POSTN: variants seen among roughly 807,000 people sequenced by gnomAD.
POSTN encodes the protein osteoblast specific factor 2 (fasciclin I-like).
A neutral mutation model predicts 104.5 loss-of-function variants in POSTN; 71 were observed. That is an observed-to-expected ratio of 0.68 (90% CI 0.56 to 0.83). The LOEUF is 0.83. POSTN is among the 40% of genes least tolerant of loss of function. POSTN has a pLI of 0.00. For synonymous variants in POSTN, 355 were observed against 340.7 expected, an observed-to-expected ratio of 1.04 and a Z score of -0.46; for missense variants, 949 against 1,006.8, an observed-to-expected ratio of 0.94 and a Z score of 0.78.
At position 37,587,858 on chromosome 13, in the gene POSTN, G is replaced by A. The variant is rs2138338741; in HGVS notation, c.570C>T (p.Asn190=). 1.2e-6 allele frequency: 2 copies of A among 1,604,422 alleles called. No homozygotes were observed. Among genetic ancestry groups the A allele is most frequent in the South Asian group, 1.1e-5 (1 of 90,482 alleles). Residue 190 remains asparagine, a synonymous_variant, in exon 5 of 23, where the codon AAC becomes AAT. Transcript: ENST00000379747. The part of the protein sequence containing the change: ...KNGMIIPSMY[N]NLGLFINHYP... ...AATGGTTAATGAAAAGCCCCAAATTGTTATACATTGAAGGAATAATCATGC... is the reference window on the plus strand; with the variant it reads ...AATGGTTAATGAAAAGCCCCAAATTATTATACATTGAAGGAATAATCATGC...
intron 21 of POSTN, 153 bp from the exon 22 acceptor site, chr13:37,564,713 T>G: frequency 2.1e-6 from 1 of 465,636 alleles, no homozygotes; most frequent in Non-Finnish European, 3.8e-6. Context: ...ATCCTCAGAG[T>G]TTTACATTTT....
chr13:37,583,979 A>G lies in POSTN; in HGVS notation c.1233T>C (p.Asn411=), dbSNP rs1470109130. The G allele has an allele frequency of 1.5e-5, 24 of 1,613,590 alleles. No individual in the cohort carries two copies. Among genetic ancestry groups the G allele is most frequent in the South Asian group, 2.2e-5 (2 of 90,990 alleles). Residue 411 remains asparagine (N), a synonymous_variant, in exon 9 of 23, where the codon AAT becomes AAC. Transcript: ENST00000379747. The part of the protein sequence containing the change: ...GEYTLLAPVN[N]AFSDDTLSMD... ...GTGTCCAGCACATACCAGAAAATGC[A>G]TTATTCACAGGTGCCAGCAAAGTGT...
At position 37,580,714 on chromosome 13, in the gene POSTN, A is replaced by G; in HGVS notation, c.1393-17T>C. ...GCAGACAGCCTAGGAAAGGAAAGAA[A>G]GGTATGGGGTGTCATTTTCCTTGCT... On this transcript the variant is annotated splice_polypyrimidine_tract_variant and intron_variant, in intron 10 of 22. Transcript: ENST00000379747. The G allele has an allele frequency of 1.9e-6, 3 of 1,613,670 alleles. No homozygotes were observed. Among genetic ancestry groups the G allele is most frequent in the South Asian group, 1.1e-5 (1 of 91,042 alleles).
chr13:37,575,715 G>A (rs1950389201), intron 16 of POSTN, among the ~76,000 whole-genome samples: 1 of 152,118 alleles, frequency 6.6e-6, no homozygotes, highest in Non-Finnish European at 1.5e-5. Context: ...CTCACCTCAT[G>A]CTTGTAAGAT....
At chr13:37,587,030 AACATACAGGAAACT>A in intron 5 of POSTN, 102 bp from the exon 6 acceptor site, 1 of 959,538 alleles carries the variant, frequency 1.0e-6, no homozygotes, top group Non-Finnish European at 1.6e-6. Context: ...TAGTAAATGT[AACATACAGGAAACT>A]ACATTGTAAA....
At chr13:37,578,593 C>T (rs574296597) in intron 15 of POSTN, among the ~76,000 whole-genome samples, 1 of 151,700 alleles carries the variant, frequency 6.6e-6, no homozygotes, top group South Asian at 2.1e-4. Flanking sequence ...GTCAGGAGAT[C>T]GAGACCATCC....
chr13:37,567,192 C>T (rs1950133990), intron 21 of POSTN, among the ~76,000 whole-genome samples: 1 of 123,258 alleles, frequency 8.1e-6, no homozygotes. Context: ...GCCGAGATCC[C>T]GCCACTGCAC....
At chr13:37,590,608 G>A (rs1950902219) in intron 3 of POSTN, 79 bp from the exon 4 acceptor site, 6 of 1,217,646 alleles carry the variant, frequency 4.9e-6, no homozygotes, top group African/African-American at 1.5e-5. Context: ...ACTTTATGCT[G>A]TGTTTCCCAA....
intron 3 of POSTN, 33 bp from the exon 4 acceptor site, chr13:37,590,562 G>C: frequency 6.6e-7 from 1 of 1,525,440 alleles, no homozygotes; most frequent in Non-Finnish European, 8.9e-7. Flanking sequence ...CAGTACTGGG[G>C]ATAATATTCT....
intron 21 of POSTN, among the ~76,000 whole-genome samples, chr13:37,566,754 G>A (rs1489267541): frequency 1.3e-5 from 2 of 152,054 alleles, no homozygotes; most frequent in South Asian, 2.1e-4. Flanking sequence ...TGCTTGAGTC[G>A]TTTCAGAATG....
rs776927839 is a variant in POSTN, at chr13:37,579,281, C to A, written c.1739G>T (p.Gly580Val). 4 of 1,607,962 alleles carry A rather than the reference C, an allele frequency of 2.5e-6. No individual in the cohort carries two copies. The highest frequency in any genetic ancestry group is 2.6e-6 in the Non-Finnish European group (3 of 1,174,726). Residue 580 changes from glycine to valine, a missense_variant, in exon 13 of 23, where the codon GGT becomes GTT. Physicochemically the swap from Gly to Val is moderately radical, Grantham distance 109. Coordinates refer to ENST00000379747, the MANE Select transcript of POSTN (RefSeq NM_006475.3). ...GVFIGKGFEP[G>V]VTNILKTTQG... ...TGTGGTCTTTAAAATGTTAGTAACA[C>A]CAGGTTCAAATCCTTTTCCAATGAA... is the stretch of plus-strand genomic sequence containing the variant.
rs1950554341 is a variant in POSTN at position 37,580,616 on chromosome 13, TG to T, written c.1473del (p.Ile492SerfsTer12). 6.2e-7 allele frequency: 1 copy of T among 1,614,178 alleles called. No individual in the cohort carries two copies. The highest frequency in any genetic ancestry group is 8.5e-7 in the Non-Finnish European group (1 of 1,180,014). On this transcript the variant is annotated frameshift_variant, in exon 11 of 23. Coordinates refer to ENST00000379747, the MANE Select transcript of POSTN (RefSeq NM_006475.3). LOFTEE classifies it high-confidence loss of function. The stretch of plus-strand genomic sequence containing the variant: ...TGGAGGGATTTCTCTGCTGGCTTGA[TG>T]ATCTCGCGGAATATGTGAATCGCAC... ...RNGAIHIFREIIKPAEKSLHE... is the reference protein window; with the variant it reads ...RNGAIHIFREXIKPAEKSLHE...
chr13:37,577,972 A>G (rs541824968), intron 15 of POSTN, among the ~76,000 whole-genome samples, 174 bp from the exon 16 acceptor site: 1 of 151,432 alleles, frequency 6.6e-6, no homozygotes, highest in Non-Finnish European at 1.5e-5. Context: ...GTCAGAGGGC[A>G]TAAAAATCAT....
In POSTN at chr13:37,584,053, G is replaced by A; in HGVS notation, c.1159C>T (p.Leu387Phe). 6.2e-7 allele frequency: 1 copy of A among 1,613,934 alleles called. No individual in the cohort carries two copies. The highest frequency in any genetic ancestry group is 8.5e-7 in the Non-Finnish European group (1 of 1,179,938). Residue 387 changes from leucine to phenylalanine, a missense_variant, in exon 9 of 23, where the codon CTT becomes TTT. Transcript: ENST00000379747. ...AGKQQTTFTD[L>F]VAQLGLASAL... ...GATGCCAAGCCTAATTGGGCCACAA[G>A]ATCCGTGAAGGTGGTTTGCTGTTTT...
Position 37,577,818 on chromosome 13 carries a change from T to C in POSTN, c.1963-20A>G. On this transcript the variant is annotated intron_variant, in intron 15 of 22. Transcript: ENST00000379747. ...AACAAACTGAAAATAAATGTTTATA[T>C]TTAGTAACATGAAAGGTGATAGTTG... 6.2e-7 allele frequency: 1 copy of C among 1,613,250 alleles called. No individual in the cohort carries two copies. Among genetic ancestry groups the C allele is most frequent in the Non-Finnish European group, 8.5e-7 (1 of 1,179,540 alleles).
intron 21 of POSTN, among the ~76,000 whole-genome samples, chr13:37,567,018 CGAG>C (rs1566539951): frequency 1.3e-5 from 2 of 150,954 alleles, no homozygotes; most frequent in African/African-American, 4.9e-5. Context: ...GGGCGGATCA[CGAG>C]GTCAGGAGAT....
At chr13:37,595,873 C>T (rs1028944802) in intron 2 of POSTN, among the ~76,000 whole-genome samples, 10 of 149,276 alleles carry the variant, frequency 6.7e-5, no homozygotes, top group Non-Finnish European at 1.0e-4. Flanking sequence ...TGCAGTGGTG[C>T]CATCTCGGCT....
rs755522231 is a variant in POSTN, at chr13:37,579,014, C to T, written c.1894+5G>A. ...AGCCTATCAATGAGTTCAATAATTA[C>T]AAACCTGCTGGATAGAGGAGTTTAT... On this transcript the variant is annotated splice_donor_5th_base_variant and intron_variant, in intron 14 of 22. Coordinates refer to ENST00000379747, the MANE Select transcript of POSTN (RefSeq NM_006475.3). 5.0e-6 allele frequency: 8 copies of T among 1,611,626 alleles called. No individual in the cohort carries two copies. The East Asian group carries it at 1.6e-4, about 32-fold the overall frequency.
At chr13:37,582,753 T>C (rs1950632025) in intron 9 of POSTN, among the ~76,000 whole-genome samples, 1 of 152,192 alleles carries the variant, frequency 6.6e-6, no homozygotes, top group African/African-American at 2.4e-5. Context: ...GTTCAATCAA[T>C]GAGTTTCACC....
Sources: gnomAD v4.1 joint callset for allele counts (sites outside exome capture counted in the v4.1 genomes callset) on GRCh38, gnomAD v4.1.1 for gene constraint, MANE v1.5 for transcripts, NCBI Gene and HGNC (gene_info 2026-07-23, HGNC 2026-07-21) for gene names.